NELL1: variants seen among roughly 807,000 people sequenced by gnomAD.
NELL1 encodes the protein protein kinase C-binding protein NELL1.
A neutral mutation model predicts 107.4 loss-of-function variants in NELL1; 76 were observed. That is an observed-to-expected ratio of 0.71 (90% CI 0.59 to 0.86). NELL1 has a LOEUF of 0.86. Among genes scored for constraint, NELL1 ranks in the 40% least tolerant of loss-of-function variants. The pLI is 0.00. For synonymous variants in NELL1, 353 were observed against 341.2 expected (o/e 1.03, Z -0.38); for missense variants, 1,024 against 1,005.5 (o/e 1.02, Z -0.25).
intron 3 of NELL1, among the ~76,000 whole-genome samples, chr11:20,821,798 A>T (rs1857760342): frequency 6.6e-6 from 1 of 152,226 alleles, no homozygotes; most frequent in South Asian, 2.1e-4. Flanking sequence ...AGTGATTCAC[A>T]TATTGCTTAA....
intron 2 of NELL1, among the ~76,000 whole-genome samples, chr11:20,699,057 A>T (rs1854699191): frequency 6.6e-6 from 1 of 152,004 alleles, no homozygotes; most frequent in Non-Finnish European, 1.5e-5. Flanking sequence ...TCTCTACTAA[A>T]AATACAAAAA....
At chr11:21,328,401 G>A (rs1850193864) in intron 14 of NELL1, among the ~76,000 whole-genome samples, 2 of 152,222 alleles carry the variant, frequency 1.3e-5, no homozygotes, top group South Asian at 2.1e-4. Context: ...GGGAACTTCC[G>A]CCTAGATTTC....
intron 12 of NELL1, among the ~76,000 whole-genome samples, chr11:20,987,541 C>T (rs544297689): frequency 3.0e-4 from 46 of 152,140 alleles, no homozygotes; most frequent in East Asian, 2.5e-3. Context: ...AAGTGCAGAG[C>T]GAAATGGAGG....
At chr11:21,553,459 C>T (rs926302078) in intron 16 of NELL1, among the ~76,000 whole-genome samples, 1 of 151,806 alleles carries the variant, frequency 6.6e-6, no homozygotes, top group Non-Finnish European at 1.5e-5. Context: ...TTCTTTCCTT[C>T]ACCTCTAACC....
chr11:20,813,798 G>C (rs1259163277), intron 3 of NELL1, among the ~76,000 whole-genome samples: 1 of 152,128 alleles, frequency 6.6e-6, no homozygotes, highest in African/African-American at 2.4e-5. Flanking sequence ...TCAGCTTTCA[G>C]GGTGAATTTG....
intron 7 of NELL1, 104 bp from the exon 8 acceptor site, chr11:20,927,204 A>ATTTTTTTCTCTTCTCAGAAGGAT (rs1181971608): frequency 2.8e-6 from 3 of 1,089,328 alleles, no homozygotes; most frequent in Non-Finnish European, 3.9e-6. Context: ...TGCTCTGAGC[A>ATTTTTTTCTCTTCTCAGAAGGAT]TTTTTTTCTC....
At chr11:20,758,309 C>T (rs187985437) in intron 2 of NELL1, among the ~76,000 whole-genome samples, 56 of 152,234 alleles carry the variant, frequency 3.7e-4, no homozygotes, top group Middle Eastern at 6.8e-3. Context: ...ATCATGGTGT[C>T]GCCTGATTCA....
intron 13 of NELL1, among the ~76,000 whole-genome samples, chr11:21,158,066 C>G (rs576370344): frequency 6.6e-6 from 1 of 152,208 alleles, no homozygotes; most frequent in South Asian, 2.1e-4. Flanking sequence ...GGCAGAGGAA[C>G]GTGGAAGGAC....
intron 10 of NELL1, among the ~76,000 whole-genome samples, chr11:20,941,715 A>T (rs929436608): frequency 1.3e-5 from 2 of 152,166 alleles, no homozygotes; most frequent in Non-Finnish European, 2.9e-5. Context: ...CTTCTTACCT[A>T]TCTGATCCTG....
At chr11:21,232,611 T>C (rs541998962) in intron 14 of NELL1, among the ~76,000 whole-genome samples, 1 of 152,326 alleles carries the variant, frequency 6.6e-6, no homozygotes, top group South Asian at 2.1e-4. Flanking sequence ...CAGTGGGAGT[T>C]GGACAAGAAT....
At chr11:20,835,566 A>G (rs992917928) in intron 3 of NELL1, among the ~76,000 whole-genome samples, 2 of 152,216 alleles carry the variant, frequency 1.3e-5, no homozygotes, top group Admixed American at 1.3e-4. Flanking sequence ...TATTACATTA[A>G]TTGAAAAAAG....
chr11:20,948,669 G>T (rs1590451570), intron 11 of NELL1, among the ~76,000 whole-genome samples: 1 of 144,206 alleles, frequency 6.9e-6, no homozygotes, highest in African/African-American at 2.6e-5. Context: ...TGATTCCTAT[G>T]TCTTAAAACC....
intron 2 of NELL1, among the ~76,000 whole-genome samples, chr11:20,727,576 G>T (rs562615327): frequency 9.9e-4 from 150 of 152,160 alleles, no homozygotes; most frequent in African/African-American, 3.4e-3. Context: ...AGTTTCTTTT[G>T]CTGTGCAGAA....
At chr11:21,267,537 G>T (rs1848658713) in intron 14 of NELL1, among the ~76,000 whole-genome samples, 1 of 152,010 alleles carries the variant, frequency 6.6e-6, no homozygotes, top group Middle Eastern at 3.2e-3. Context: ...CAGTTTGGGA[G>T]TTCTTTGCTT....
intron 15 of NELL1, among the ~76,000 whole-genome samples, chr11:21,487,328 T>G (rs1035025358): frequency 2.6e-5 from 4 of 152,082 alleles, no homozygotes; most frequent in African/African-American, 9.7e-5. Context: ...AAGAATAAAC[T>G]GACAGAGAAG....
chr11:20,918,237 G>C lies in NELL1; in HGVS notation c.659G>C (p.Cys220Ser). 1 of 1,584,448 alleles carries C rather than the reference G, an allele frequency of 6.3e-7. No individual in the cohort carries two copies. The highest frequency in any genetic ancestry group is 8.7e-7 in the Non-Finnish European group (1 of 1,154,178). Residue 220 changes from cysteine to serine, a missense_variant, in exon 6 of 20, where the codon TGT becomes TCT. Transcript: ENST00000357134. ...IFMPNGYITQ[C>S]PNLNHTCPTC... ...ATGCCGAATGGATATATAACACAGT[G>C]TCCAAATCTAAATCACAGTAAGTAG...
intron 12 of NELL1, among the ~76,000 whole-genome samples, chr11:21,103,232 A>G (rs899085892): frequency 6.6e-6 from 1 of 152,140 alleles, no homozygotes; most frequent in African/African-American, 2.4e-5. Flanking sequence ...TCAGATCTAA[A>G]CCTCTGGCAC....
intron 14 of NELL1, among the ~76,000 whole-genome samples, chr11:21,277,658 A>C (rs1029829748): frequency 6.6e-6 from 1 of 152,246 alleles, no homozygotes; most frequent in African/African-American, 2.4e-5. Flanking sequence ...CCAAATACCC[A>C]TCAGTGATAG....
At chr11:20,774,003 C>T (rs1856692526) in intron 2 of NELL1, among the ~76,000 whole-genome samples, 1 of 150,804 alleles carries the variant, frequency 6.6e-6, no homozygotes, top group South Asian at 2.1e-4. Context: ...TCTCTCCTTT[C>T]CTTCCCTCCG....
Sources: allele counts gnomAD v4.1 joint callset (sites outside exome capture counted in the v4.1 genomes callset), GRCh38; gene constraint gnomAD v4.1.1; transcripts MANE v1.5; gene names NCBI Gene and HGNC (gene_info 2026-07-23, HGNC 2026-07-21).